CNTN5: variants seen among roughly 807,000 people sequenced by gnomAD.
CNTN5 encodes the protein contactin-5.
CNTN5 carries 77 observed loss-of-function variants against 129.1 expected under a neutral mutation model. The ratio of observed to expected loss-of-function variants is 0.60; its 90% CI spans 0.50 to 0.72. The LOEUF is 0.72. Ranked by LOEUF, CNTN5 falls within the 30% of genes least tolerant of loss-of-function variation. The pLI, the probability that CNTN5 is intolerant of heterozygous loss-of-function variation, is 0.00. For missense variants in CNTN5, 1,478 were observed against 1,328.8 expected (o/e 1.11, Z -1.75); for synonymous variants, 509 against 465.6 (o/e 1.09, Z -1.20).
In CNTN5 at chr11:100,299,182, G is replaced by A. The variant is rs761860362; in HGVS notation, c.2406G>A (p.Gln802=). 1 of 1,605,756 alleles carries A rather than the reference G, an allele frequency of 6.2e-7. No homozygotes were observed. Among genetic ancestry groups the A allele is most frequent in the Non-Finnish European group, 8.5e-7 (1 of 1,174,936 alleles). The change falls in exon 20 of 25, where the codon CAG becomes CAA. Residue 802 remains glutamine (Q), a synonymous_variant. Transcript: ENST00000524871. ...TTTAGCCAGTATCTGAAGAGTTTCA[G>A]AATGGGGAAGGCTTCGGCTATATTG... ...IAWEPVSEEF[Q]NGEGFGYIVA...
At chr11:100,015,131 A>G (rs1940754744) in intron 9 of CNTN5, among the ~76,000 whole-genome samples, 1 of 152,174 alleles carries the variant, frequency 6.6e-6, no homozygotes, top group Non-Finnish European at 1.5e-5. Flanking sequence ...TAATAGGTAT[A>G]TATATGTACT....
intron 3 of CNTN5, among the ~76,000 whole-genome samples, chr11:99,797,970 A>G (rs1591202074): frequency 6.6e-6 from 1 of 152,084 alleles, no homozygotes; most frequent in South Asian, 2.1e-4. Context: ...CTGAATTTTT[A>G]TTTTACGTTC....
At chr11:100,272,651 A>G (rs1259099401) in intron 18 of CNTN5, among the ~76,000 whole-genome samples, 2 of 152,156 alleles carry the variant, frequency 1.3e-5, no homozygotes, top group African/African-American at 4.8e-5. Context: ...GAAGGCACTG[A>G]GAGTGGACAG....
At chr11:100,107,103 A>G (rs1207138008) in intron 13 of CNTN5, among the ~76,000 whole-genome samples, 2 of 152,274 alleles carry the variant, frequency 1.3e-5, no homozygotes, top group East Asian at 3.9e-4. Context: ...TCTAGTTTTG[A>G]ACCTAGCTTA....
intron 2 of CNTN5, among the ~76,000 whole-genome samples, chr11:99,477,174 A>G (rs990009635): frequency 9.9e-5 from 15 of 152,018 alleles, no homozygotes; most frequent in Non-Finnish European, 1.8e-4. Context: ...TTGAAGAAGC[A>G]TACAGTTTTA....
chr11:99,936,608 C>A (rs1435442899), intron 7 of CNTN5, among the ~76,000 whole-genome samples: 2 of 152,106 alleles, frequency 1.3e-5, no homozygotes, highest in East Asian at 3.9e-4. Flanking sequence ...AGGCTTATTT[C>A]TCTCTAGCTT....
intron 1 of CNTN5, among the ~76,000 whole-genome samples, chr11:99,100,047 G>T (rs1591188410): frequency 6.6e-6 from 1 of 152,082 alleles, no homozygotes. Context: ...TTATGGCAAA[G>T]TATGGATCTG....
chr11:100,283,937 C>T (rs1950704161), intron 18 of CNTN5, among the ~76,000 whole-genome samples: 1 of 152,032 alleles, frequency 6.6e-6, no homozygotes, highest in South Asian at 2.1e-4. Context: ...CATAGCGAGA[C>T]TCTGTCTCAA....
At position 99,691,412 on chromosome 11, in the gene CNTN5, G is replaced by C. The variant is rs189762712; in HGVS notation, c.56-128132G>C. 2.1e-3 allele frequency among the ~76,000 whole-genome samples: 318 copies of C among 152,140 alleles called. 2 individuals carry two copies. The highest frequency in any genetic ancestry group is 1.8e-3 in the Non-Finnish European group (124 of 67,984). On this transcript the variant is annotated intron_variant, in intron 3 of 24. Coordinates refer to ENST00000524871, the MANE Select transcript of CNTN5 (RefSeq NM_014361.4). Reference sequence around the variant, plus strand: ...TGCAGTAAATTTCCCTCTTAACACTGTGGTAGCTGTGTCCCAGAGTTTCTG... The same window carrying C: ...TGCAGTAAATTTCCCTCTTAACACTCTGGTAGCTGTGTCCCAGAGTTTCTG...
chr11:100,272,598 A>C (rs1950426533), intron 18 of CNTN5, among the ~76,000 whole-genome samples: 1 of 152,096 alleles, frequency 6.6e-6, no homozygotes, highest in Admixed American at 6.6e-5. Context: ...GCTCCTACTG[A>C]GGGACCCAGA....
chr11:99,580,375 C>A (rs1263659392), intron 3 of CNTN5, among the ~76,000 whole-genome samples: 4 of 152,138 alleles, frequency 2.6e-5, no homozygotes, highest in Non-Finnish European at 4.4e-5. Flanking sequence ...CCCTCTTTTT[C>A]TATTAACTGG....
intron 1 of CNTN5, among the ~76,000 whole-genome samples, chr11:99,218,837 G>A (rs557003608): frequency 6.6e-6 from 1 of 152,122 alleles, no homozygotes; most frequent in African/African-American, 2.4e-5. Flanking sequence ...GAACTTCTAG[G>A]ATTTGCCTTA....
intron 1 of CNTN5, among the ~76,000 whole-genome samples, chr11:99,068,159 C>T (rs1167400007): frequency 2.6e-5 from 4 of 152,206 alleles, no homozygotes; most frequent in South Asian, 2.1e-4. Flanking sequence ...ACCTAGTCTC[C>T]AGCAGTTCTT....
intron 13 of CNTN5, among the ~76,000 whole-genome samples, chr11:100,181,044 A>G (rs188695123): frequency 3.3e-5 from 5 of 152,014 alleles, no homozygotes; most frequent in African/African-American, 1.2e-4. Flanking sequence ...CAGATATTAT[A>G]CTCTTGGGCA....
At chr11:99,972,085 TAAAAAAAAAAAA>T (rs71050038) in intron 8 of CNTN5, among the ~76,000 whole-genome samples, 1 of 92,228 alleles carries the variant, frequency 1.1e-5, no homozygotes, top group Non-Finnish European at 2.0e-5. Flanking sequence ...TTATCTCTAT[TAAAAAAAAAAAA>T]AAAAAAAAAA....
intron 1 of CNTN5, among the ~76,000 whole-genome samples, chr11:99,121,417 G>A (rs1418524147): frequency 6.6e-6 from 1 of 152,150 alleles, no homozygotes; most frequent in Non-Finnish European, 1.5e-5. Flanking sequence ...ACAGGCATGA[G>A]CCACCACACC....
intron 1 of CNTN5, among the ~76,000 whole-genome samples, chr11:99,051,790 T>C (rs962581878): frequency 6.6e-6 from 1 of 151,894 alleles, no homozygotes; most frequent in Non-Finnish European, 1.5e-5. Flanking sequence ...AGTCTCTTTT[T>C]TCAGGGATTG....
intron 9 of CNTN5, among the ~76,000 whole-genome samples, chr11:100,040,298 G>A (rs1035270753): frequency 7.9e-5 from 12 of 152,172 alleles, no homozygotes; most frequent in Admixed American, 4.6e-4. Context: ...TTGGAGAACT[G>A]CAGATGCTGC....
intron 6 of CNTN5, among the ~76,000 whole-genome samples, chr11:99,883,060 T>C (rs1281713951): frequency 6.6e-6 from 1 of 152,202 alleles, no homozygotes; most frequent in South Asian, 2.1e-4. Context: ...CATTCTTTTT[T>C]CTTTTGTGGC....
Sources: gnomAD v4.1 joint callset for allele counts (sites outside exome capture counted in the v4.1 genomes callset) on GRCh38, gnomAD v4.1.1 for gene constraint, MANE v1.5 for transcripts, NCBI Gene and HGNC (gene_info 2026-07-23, HGNC 2026-07-21) for gene names.